Variants in PDE11A observed in about 807,000 individuals in gnomAD.
PDE11A encodes the protein phosphodiesterase 11A, also known as dual 3',5'-cyclic-AMP and -GMP phosphodiesterase 11A.
A neutral mutation model predicts 100.5 loss-of-function variants in PDE11A; 100 were observed. The ratio of observed to expected loss-of-function variants is 1.00; its 90% CI spans 0.85 to 1.18. The LOEUF (loss-of-function observed/expected upper bound fraction) is 1.18. Ranked by LOEUF, PDE11A falls within the 50% of genes most tolerant of loss-of-function variation. The pLI, the probability that PDE11A is intolerant of heterozygous loss-of-function variation, is 0.00. For synonymous variants in PDE11A, 381 were observed against 420.8 expected, an observed-to-expected ratio of 0.91 and a Z score of 1.16; for missense variants, 1,141 against 1,152.6, an observed-to-expected ratio of 0.99 and a Z score of 0.15.
At chr2:177,927,295 A>G (rs1462909961) in intron 2 of PDE11A, among the ~76,000 whole-genome samples, 1 of 152,244 alleles carries the variant, frequency 6.6e-6, no homozygotes, top group Non-Finnish European at 1.5e-5. Flanking sequence ...TTAAATTTCA[A>G]AAAATTTGCC....
chr2:177,645,028 C>T (rs374101732), intron 19 of PDE11A, among the ~76,000 whole-genome samples: 1 of 152,098 alleles, frequency 6.6e-6, no homozygotes, highest in South Asian at 2.1e-4. Flanking sequence ...ATCAACCAGT[C>T]TTGGGTATGT....
At chr2:177,813,265 A>T (rs1033578263) in intron 9 of PDE11A, among the ~76,000 whole-genome samples, 1 of 151,718 alleles carries the variant, frequency 6.6e-6, no homozygotes, top group Non-Finnish European at 1.5e-5. Context: ...CTCTCAATAA[A>T]CTCTGTACTC....
At chr2:177,883,325 A>G (rs2084377523) in intron 4 of PDE11A, among the ~76,000 whole-genome samples, 1 of 152,162 alleles carries the variant, frequency 6.6e-6, no homozygotes. Context: ...ATGCTTCTTA[A>G]TAAATCTCTT....
chr2:178,034,326 T>C (rs892343738), intron 1 of PDE11A, among the ~76,000 whole-genome samples: 2 of 152,162 alleles, frequency 1.3e-5, no homozygotes, highest in Non-Finnish European at 1.5e-5. Flanking sequence ...AAAAGCTACC[T>C]ATCCTAAATA....
chr2:177,637,767 G>C (rs990759762), intron 19 of PDE11A, among the ~76,000 whole-genome samples: 4 of 150,846 alleles, frequency 2.7e-5, no homozygotes, highest in Non-Finnish European at 4.4e-5. Flanking sequence ...TTGTCTCACA[G>C]CTCAAATGAT....
chr2:177,995,585 T>C (rs2086060966), intron 2 of PDE11A, among the ~76,000 whole-genome samples: 1 of 152,072 alleles, frequency 6.6e-6, no homozygotes, highest in Middle Eastern at 3.4e-3. Context: ...AACATTCAAA[T>C]GCAGAACAAA....
chr2:177,818,625 G>C (rs2083083164), intron 7 of PDE11A, among the ~76,000 whole-genome samples: 1 of 152,090 alleles, frequency 6.6e-6, no homozygotes. Context: ...ATTATTACAA[G>C]CAATAAAAGT....
At chr2:177,891,251 C>CT (rs2084524193) in intron 4 of PDE11A, among the ~76,000 whole-genome samples, 1 of 152,156 alleles carries the variant, frequency 6.6e-6, no homozygotes. Context: ...GATCATGCCA[C>CT]TGCACTCCAC....
intron 9 of PDE11A, among the ~76,000 whole-genome samples, chr2:177,792,487 C>T (rs1050893200): frequency 1.3e-5 from 2 of 152,132 alleles, no homozygotes; most frequent in African/African-American, 4.8e-5. Flanking sequence ...CAAAGGATTA[C>T]CATTATGCTT....
intron 6 of PDE11A, among the ~76,000 whole-genome samples, chr2:177,834,826 A>G (rs2083367064): frequency 6.6e-6 from 1 of 152,068 alleles, no homozygotes; most frequent in Admixed American, 6.5e-5. Flanking sequence ...TTGCAGATAT[A>G]GGGAGCTTTT....
At chr2:177,701,047 A>G (rs62182973) in intron 14 of PDE11A, 74 bp downstream of exon 14, 52,352 of 861,932 alleles carry the variant, frequency 0.061, 1,915 homozygotes, top group Non-Finnish European at 0.081. Context: ...GTGGCACCAC[A>G]AAGGAAGAGA....
At chr2:178,044,362 TTATA>T (rs1326202123) in intron 1 of PDE11A, among the ~76,000 whole-genome samples, 2 of 147,326 alleles carry the variant, frequency 1.4e-5, no homozygotes, top group Non-Finnish European at 3.0e-5. Flanking sequence ...TATATAAACT[TTATA>T]TATATGTTTT....
At chr2:178,067,856 T>C (rs763905313) in intron 1 of PDE11A, among the ~76,000 whole-genome samples, 5 of 152,184 alleles carry the variant, frequency 3.3e-5, no homozygotes, top group Non-Finnish European at 5.9e-5. Context: ...TAAATGAAGC[T>C]GTTGTGTAAA....
rs976045553 is a variant in PDE11A at position 177,659,295 on chromosome 2, G to A, written c.2646+4571C>T. On this transcript the variant is annotated intron_variant, in intron 19 of 19. Coordinates refer to ENST00000286063, the MANE Select transcript of PDE11A (RefSeq NM_016953.4). ...AAAAAAAAAAAAAAAAAAAGTGAAG[G>A]CAGAGAAAAAAATCAAAGTTTACTG... 2.3e-3 allele frequency among the ~76,000 whole-genome samples: 344 copies of A among 148,044 alleles called. 2 individuals carry two copies. Among genetic ancestry groups the A allele is most frequent in the African/African-American group, 8.2e-3 (333 of 40,464 alleles).
intron 12 of PDE11A, among the ~76,000 whole-genome samples, chr2:177,722,849 A>G (rs1481286370): frequency 6.6e-6 from 1 of 152,164 alleles, no homozygotes; most frequent in Admixed American, 6.5e-5. Context: ...AAGTAAATAT[A>G]ACAAGTTACT....
At chr2:178,105,309 A>T (rs953384510) in intron 1 of PDE11A, among the ~76,000 whole-genome samples, 1 of 152,070 alleles carries the variant, frequency 6.6e-6, no homozygotes, top group Non-Finnish European at 1.5e-5. Flanking sequence ...AAAATACAAA[A>T]ATTAGCCGGG....
chr2:177,803,013 A>G (rs1574158051), intron 9 of PDE11A, among the ~76,000 whole-genome samples: 1 of 151,940 alleles, frequency 6.6e-6, no homozygotes, highest in East Asian at 1.9e-4. Flanking sequence ...ATATAGTAAG[A>G]AATTAAAAGA....
intron 9 of PDE11A, among the ~76,000 whole-genome samples, chr2:177,776,325 A>C (rs2082376818): frequency 6.6e-6 from 1 of 152,206 alleles, no homozygotes; most frequent in African/African-American, 2.4e-5. Context: ...TTTATCTGGC[A>C]ACCCTCCTTC....
Position 177,669,530 on chromosome 2 carries a change from C to T in PDE11A, c.2525G>A (p.Gly842Glu). 6.8e-7 allele frequency: 1 copy of T among 1,478,648 alleles called. No individual in the cohort carries two copies. The highest frequency in any genetic ancestry group is 9.5e-7 in the Non-Finnish European group (1 of 1,056,742). 91.6% of individuals were successfully genotyped at this position (1,478,648 alleles called of 1,614,324 possible). A position where few individuals can be genotyped will look rare whatever the true frequency, so the allele number is the denominator to read the frequency against. The change falls in exon 18 of 20, where the codon GGA becomes GAA. Residue 842 changes from glycine to glutamate, a missense_variant. By Grantham distance (98) the Gly-to-Glu change is moderately conservative (BLOSUM62 -2). Transcript: ENST00000286063. ...TTTGAGCTCTAATCTCTCCCGATCT[C>T]CTTGTTCGAAGAACTCACTGGTTAC... The part of the protein sequence containing the change: ...ELVTSEFFEQ[G>E]DRERLELKLT...
Sources: gnomAD v4.1 joint callset for allele counts (sites outside exome capture counted in the v4.1 genomes callset) on GRCh38, gnomAD v4.1.1 for gene constraint, MANE v1.5 for transcripts, NCBI Gene and HGNC (gene_info 2026-07-23, HGNC 2026-07-21) for gene names.